Variants in ADAMTS16 observed in about 807,000 individuals in gnomAD.
The protein encoded by ADAMTS16 is ADAM metallopeptidase with thrombospondin type 1 motif 16, also known as A disintegrin and metalloproteinase with thrombospondin motifs 16.
A neutral mutation model predicts 145.8 loss-of-function variants in ADAMTS16; 94 were observed. The ratio of observed to expected loss-of-function variants is 0.64; its 90% CI spans 0.55 to 0.77. The LOEUF (loss-of-function observed/expected upper bound fraction) is 0.77, where lower values mean the gene tolerates loss of function less well. Ranked by LOEUF, ADAMTS16 falls within the 30% of genes least tolerant of loss-of-function variation. The pLI, the probability that ADAMTS16 is intolerant of heterozygous loss-of-function variation, is 0.00. For missense variants in ADAMTS16, 1,585 were observed against 1,591.5 expected (o/e 1.00, Z 0.07); for synonymous variants, 659 against 604.3 (o/e 1.09, Z -1.33).
chr5:5,161,661 T>C (rs1306025433), intron 3 of ADAMTS16, among the ~76,000 whole-genome samples: 1 of 152,240 alleles, frequency 6.6e-6, no homozygotes, highest in South Asian at 2.1e-4. Context: ...TCACCTTCCA[T>C]TCACAGGTCC....
chr5:5,198,521 G>A (rs974714463), intron 8 of ADAMTS16, among the ~76,000 whole-genome samples: 1 of 152,154 alleles, frequency 6.6e-6, no homozygotes, highest in African/African-American at 2.4e-5. Context: ...AAAGTGTCAA[G>A]GTTTCAGCCT....
At chr5:5,194,602 G>A (rs1009845115) in intron 8 of ADAMTS16, among the ~76,000 whole-genome samples, 1 of 152,224 alleles carries the variant, frequency 6.6e-6, no homozygotes, top group African/African-American at 2.4e-5. Flanking sequence ...CACTTCAAAT[G>A]AGAAAGGCTG....
intron 9 of ADAMTS16, among the ~76,000 whole-genome samples, chr5:5,206,777 C>T (rs887562736): frequency 1.3e-5 from 2 of 152,058 alleles, no homozygotes; most frequent in African/African-American, 2.4e-5. Context: ...CCACCGCGCC[C>T]GGCAGATTAA....
chr5:5,239,575 A>G lies in ADAMTS16; in HGVS notation c.2279-106A>G. Reference sequence around the variant, plus strand: ...CCAGAACACGTCTTCACCCAGTTCCAAATGTGGATTCTCAGGTTTTGTTTA... The same window carrying G: ...CCAGAACACGTCTTCACCCAGTTCCGAATGTGGATTCTCAGGTTTTGTTTA... On this transcript the variant is annotated intron_variant, in intron 15 of 22. Coordinates refer to ENST00000274181, the MANE Select transcript of ADAMTS16 (RefSeq NM_139056.4). 5 of 1,495,572 alleles carry G rather than the reference A, an allele frequency of 3.3e-6. No homozygotes were observed. In the South Asian group the frequency reaches 6.4e-5, roughly 19 times the overall value. 92.6% of individuals were successfully genotyped at this position (1,495,572 alleles called of 1,614,324 possible).
chr5:5,301,262 C>T (rs928654340), intron 18 of ADAMTS16, among the ~76,000 whole-genome samples: 3 of 151,990 alleles, frequency 2.0e-5, no homozygotes, highest in Non-Finnish European at 2.9e-5. Context: ...GGGTTTTTGC[C>T]ATGTTGCCCA....
intron 7 of ADAMTS16, 100 bp downstream of exon 7, chr5:5,190,230 C>A: frequency 7.6e-7 from 1 of 1,308,918 alleles, no homozygotes; most frequent in South Asian, 1.8e-5. Flanking sequence ...TGTTAATAAG[C>A]AGTAGCAGCT....
intron 3 of ADAMTS16, among the ~76,000 whole-genome samples, chr5:5,177,805 A>G (rs773258742): frequency 6.6e-6 from 1 of 152,148 alleles, no homozygotes; most frequent in African/African-American, 2.4e-5. Flanking sequence ...ATTAAAATGC[A>G]TCTTTCTTAT....
intron 9 of ADAMTS16, among the ~76,000 whole-genome samples, chr5:5,202,369 A>G (rs1031357562): frequency 1.3e-5 from 2 of 152,152 alleles, no homozygotes; most frequent in Non-Finnish European, 2.9e-5. Flanking sequence ...ACACTTGATC[A>G]TTTTTTAAAA....
chr5:5,165,445 A>G (rs2126533079), intron 3 of ADAMTS16, among the ~76,000 whole-genome samples: 1 of 152,310 alleles, frequency 6.6e-6, no homozygotes, highest in Admixed American at 6.5e-5. Context: ...TAATATAATA[A>G]TATGGTATAA....
rs1397780291 is a variant in ADAMTS16 at position 5,146,042 on chromosome 5, G to T, written c.176-88G>T. The T allele has an allele frequency of 3.4e-6, 4 of 1,161,092 alleles. No homozygotes were observed. The East Asian group carries it at 1.0e-4, about 29-fold the overall frequency. The allele number at this position is 1,161,092 out of a possible 1,614,324, so 71.9% of individuals were successfully genotyped here. A position where few individuals can be genotyped will look rare whatever the true frequency, so the allele number is the denominator to read the frequency against. On this transcript the variant is annotated intron_variant, in intron 2 of 22. Transcript: ENST00000274181. ...ATTTTTGACTGGGTGGAAAGGTCAT[G>T]TGGTAAAATAATATTATATCTTAAG...
At chr5:5,196,305 C>T (rs1319347397) in intron 8 of ADAMTS16, among the ~76,000 whole-genome samples, 1 of 149,314 alleles carries the variant, frequency 6.7e-6, no homozygotes, top group Admixed American at 6.7e-5. Flanking sequence ...CTTGAAAATA[C>T]CATTCAGCTC....
At chr5:5,246,168 A>G (rs776458566) in intron 17 of ADAMTS16, among the ~76,000 whole-genome samples, 13 of 152,302 alleles carry the variant, frequency 8.5e-5, no homozygotes, top group Admixed American at 3.3e-4. Context: ...CACTTGGCCC[A>G]ATGTATTCCA....
intron 21 of ADAMTS16, among the ~76,000 whole-genome samples, chr5:5,311,245 G>C (rs1303341499): frequency 1.4e-5 from 2 of 139,850 alleles, no homozygotes; most frequent in African/African-American, 5.4e-5. Context: ...CATCTGCCAA[G>C]TTCAACCCAG....
At chr5:5,203,626 T>C (rs1560947271) in intron 9 of ADAMTS16, among the ~76,000 whole-genome samples, 1 of 152,238 alleles carries the variant, frequency 6.6e-6, no homozygotes, top group Non-Finnish European at 1.5e-5. Flanking sequence ...AAGTCATGTG[T>C]CATTTTCCAT....
At position 5,310,802 on chromosome 5, in the gene ADAMTS16, G is replaced by A. The variant is rs549364468; in HGVS notation, c.3411+4074G>A. ...AAATTTCTGTTATTTTGAGCCCCTA[G>A]TTTGTAGCAATTATTACAGCAGCCC... is the stretch of plus-strand genomic sequence containing the variant. On this transcript the variant is annotated intron_variant, in intron 21 of 22. Coordinates refer to ENST00000274181, the MANE Select transcript of ADAMTS16 (RefSeq NM_139056.4). This position sits in a 1 kb window ranked among gnomAD's most constrained non-coding sequence, Gnocchi z 4.3. Among the ~76,000 whole-genome samples the A allele has an allele frequency of 2.0e-5, 3 of 152,320 alleles. No homozygotes were observed. Among genetic ancestry groups the A allele is most frequent in the African/African-American group, 7.2e-5 (3 of 41,578 alleles).
chr5:5,282,846 C>T (rs1047200082), intron 18 of ADAMTS16, among the ~76,000 whole-genome samples: 1 of 151,738 alleles, frequency 6.6e-6, no homozygotes, highest in African/African-American at 2.4e-5. Flanking sequence ...ACTTTAGTCA[C>T]TGTTTTTTTC....
At chr5:5,243,216 G>A (rs1477866094) in intron 17 of ADAMTS16, among the ~76,000 whole-genome samples, 1 of 152,210 alleles carries the variant, frequency 6.6e-6, no homozygotes, top group Non-Finnish European at 1.5e-5. Context: ...ATTCTTCCCA[G>A]TATGAACTAA....
chr5:5,190,776 G>T (rs984869665), intron 7 of ADAMTS16, among the ~76,000 whole-genome samples: 2 of 152,154 alleles, frequency 1.3e-5, no homozygotes, highest in African/African-American at 2.4e-5. Flanking sequence ...GCAAAAGCAA[G>T]TTAACGTGGT....
intron 3 of ADAMTS16, among the ~76,000 whole-genome samples, chr5:5,170,401 C>T (rs1735012830): frequency 6.6e-6 from 1 of 151,846 alleles, no homozygotes; most frequent in Non-Finnish European, 1.5e-5. Context: ...TATTTAGAGA[C>T]AGAGTCTCAC....
Sources: gnomAD v4.1 joint callset for allele counts (sites outside exome capture counted in the v4.1 genomes callset) on GRCh38, gnomAD v4.1.1 for gene constraint, Gnocchi (gnomAD v3.1) non-coding constraint, MANE v1.5 for transcripts, NCBI Gene and HGNC (gene_info 2026-07-23, HGNC 2026-07-21) for gene names.